STKLD1: variants seen among roughly 807,000 people sequenced by gnomAD.
STKLD1 encodes the protein serine/threonine kinase like domain containing 1.
In STKLD1, 79 loss-of-function variants were observed where a neutral mutation model predicts 80.4. The ratio of observed to expected loss-of-function variants is 0.98; its 90% confidence interval spans 0.82 to 1.19. STKLD1 has a LOEUF of 1.19. Ranked by LOEUF, STKLD1 falls within the 50% of genes most tolerant of loss-of-function variation. The pLI is 0.00. For synonymous variants in STKLD1, 393 were observed against 357.6 expected, an observed-to-expected ratio of 1.10 and a Z score of -1.12; for missense variants, 841 against 856.0, an observed-to-expected ratio of 0.98 and a Z score of 0.22.
At chr9:133,401,685 C>G in intron 12 of STKLD1, 53 bp from the exon 13 acceptor site, 1 of 1,573,874 alleles carries the variant, frequency 6.4e-7, no homozygotes, top group Admixed American at 1.8e-5. Context: ...TGTGTCTGGC[C>G]CCATGCCTGA....
chr9:133,379,603 C>T (rs1013478567), intron 2 of STKLD1, among the ~76,000 whole-genome samples: 2 of 152,316 alleles, frequency 1.3e-5, no homozygotes, highest in Non-Finnish European at 1.5e-5. Context: ...GGGACTGGCT[C>T]AAGGTCACAC....
At chr9:133,377,304 G>A (rs1838003221) in intron 1 of STKLD1, among the ~76,000 whole-genome samples, 1 of 152,108 alleles carries the variant, frequency 6.6e-6, no homozygotes. Context: ...CCATTTTACT[G>A]TTTAATTTGC....
chr9:133,376,410 C>T lies in STKLD1; in HGVS notation c.-64C>T. On this transcript the variant is annotated 5_prime_UTR_variant, in exon 1 of 18. Transcript: ENST00000371957. Reference sequence around the variant, plus strand: ...TTCGGGCGGGGAGGATCCCGCGGGTCCCACTGACCCACGCGGGGTGGGGCC... The same window carrying T: ...TTCGGGCGGGGAGGATCCCGCGGGTTCCACTGACCCACGCGGGGTGGGGCC... 1 of 1,463,948 alleles carries T rather than the reference C, an allele frequency of 6.8e-7. No individual in the cohort carries two copies. The highest frequency in any genetic ancestry group is 9.1e-7 in the Non-Finnish European group (1 of 1,104,474). 90.7% of individuals were successfully genotyped at this position (1,463,948 alleles called of 1,614,324 possible).
intron 14 of STKLD1, among the ~76,000 whole-genome samples, chr9:133,403,226 G>A (rs879742085): frequency 1.3e-5 from 2 of 152,272 alleles, no homozygotes; most frequent in Admixed American, 6.5e-5. Flanking sequence ...CCTTCTGGCA[G>A]AGGCCGGGTT....
intron 11 of STKLD1, among the ~76,000 whole-genome samples, chr9:133,400,192 A>G (rs1554777357): frequency 4.6e-5 from 7 of 152,148 alleles, no homozygotes; most frequent in African/African-American, 1.7e-4. Context: ...CAGCCTTGGG[A>G]GGGGCCACTT....
At chr9:133,401,995 C>T in intron 13 of STKLD1, 117 bp downstream of exon 13, 2 of 1,267,588 alleles carry the variant, frequency 1.6e-6, no homozygotes, top group Non-Finnish European at 2.1e-6. Flanking sequence ...TGGGCCTCCT[C>T]CTGAGATACA....
Position 133,403,779 on chromosome 9 carries a change from G to A in STKLD1, c.1554G>A (p.Gly518=), listed in dbSNP as rs782538514. ...SQVLATYPAD[G]EMAEASCGVF... ...TGTTGGCCACCTACCCTGCGGATGG[G>A]GAAATGGCAGAAGCCAGCTGCGGAG... Residue 518 remains glycine, a synonymous_variant, in exon 15 of 18, where the codon GGG becomes GGA. Transcript: ENST00000371957. 6.2e-7 allele frequency: 1 copy of A among 1,613,784 alleles called. No individual in the cohort carries two copies. Among genetic ancestry groups the A allele is most frequent in the Non-Finnish European group, 8.5e-7 (1 of 1,179,972 alleles).
At chr9:133,403,889 A>G in intron 15 of STKLD1, 31 bp from the exon 16 acceptor site, 1 of 1,608,516 alleles carries the variant, frequency 6.2e-7, no homozygotes, top group Non-Finnish European at 8.5e-7. Context: ...ATGGCACAGC[A>G]GGCACAAGGC....
At chr9:133,403,584 C>A in intron 14 of STKLD1, 116 bp from the exon 15 acceptor site, 1 of 1,346,524 alleles carries the variant, frequency 7.4e-7, no homozygotes, top group Non-Finnish European at 1.0e-6. Flanking sequence ...TGACCTTTCC[C>A]ACCCCATTTC....
chr9:133,382,643 A>G (rs2130270050), intron 2 of STKLD1, among the ~76,000 whole-genome samples: 16 of 147,994 alleles, frequency 1.1e-4, no homozygotes, highest in African/African-American at 3.5e-4. Context: ...TGATGTGATG[A>G]TGGTGGTGGT....
chr9:133,389,434 C>T lies in STKLD1; in HGVS notation c.397-92C>T, dbSNP rs1235456353. 43 of 1,540,032 alleles carry T rather than the reference C, an allele frequency of 2.8e-5. No homozygotes were observed. The highest frequency in any genetic ancestry group is 3.6e-5 in the Non-Finnish European group (41 of 1,142,286). ...TGTCTCAAGATGCAAGGAGAGGATA[C>T]ACCACCATCCTGCTGGCTGCTCTGA... On this transcript the variant is annotated intron_variant, in intron 5 of 17. Transcript: ENST00000371957. The surrounding 1 kb of genome is among the most constrained non-coding windows in gnomAD (Gnocchi z 6.4).
chr9:133,381,810 CT>C (rs1838142566), intron 2 of STKLD1, among the ~76,000 whole-genome samples: 3 of 152,122 alleles, frequency 2.0e-5, no homozygotes, highest in Admixed American at 2.0e-4. Context: ...CATATGCCCC[CT>C]AGGACAGGAG....
rs1040657667 is a variant in STKLD1, at chr9:133,406,030, T to C, written c.*609T>C. On this transcript the variant is annotated 3_prime_UTR_variant, in exon 18 of 18. Transcript: ENST00000371957. The stretch of plus-strand genomic sequence containing the variant: ...AGCAGTCCTTCCAGACCATTCTAGA[T>C]GAGAGTCAACACTGAGCCTCCACAG... The C allele has an allele frequency of 2.0e-5, 3 of 152,274 alleles. No homozygotes were observed. The highest frequency in any genetic ancestry group is 2.1e-4 in the South Asian group (1 of 4,830). 9.4% of individuals were successfully genotyped at this position (152,274 alleles called of 1,614,324 possible).
chr9:133,397,723 G>C (rs1838598682), intron 10 of STKLD1, among the ~76,000 whole-genome samples: 1 of 152,168 alleles, frequency 6.6e-6, no homozygotes, highest in Admixed American at 6.5e-5. Context: ...TGCCCAGGAT[G>C]AGCAGAAGTG....
Position 133,387,502 on chromosome 9 carries a change from A to G in STKLD1, c.350A>G (p.Glu117Gly). 6.2e-7 allele frequency: 1 copy of G among 1,614,002 alleles called. No homozygotes were observed. The highest frequency in any genetic ancestry group is 8.5e-7 in the Non-Finnish European group (1 of 1,179,980). ...GAGTTCAATGAGCTCAGCTTCCAGG[A>G]GGTCATTGAGGATAAGAGGAAGGCA... ...VMEFNELSFQ[E>G]VIEDKRKAKK... is the part of the protein sequence containing the mutation. The change falls in exon 5 of 18, where the codon GAG becomes GGG. Residue 117 changes from glutamate (E) to glycine (G), a missense_variant. By Grantham distance (98) the Glu-to-Gly change is moderately conservative. Coordinates refer to ENST00000371957, the MANE Select transcript of STKLD1 (RefSeq NM_153710.5).
chr9:133,402,701 C>T (rs1554777880), intron 13 of STKLD1, among the ~76,000 whole-genome samples, 177 bp from the exon 14 acceptor site: 1 of 152,232 alleles, frequency 6.6e-6, no homozygotes, highest in Non-Finnish European at 1.5e-5. Context: ...TGGACAGACT[C>T]CTCTGGGGCC....
chr9:133,395,483 C>A, intron 8 of STKLD1, 117 bp from the exon 9 acceptor site: 1 of 1,147,572 alleles, frequency 8.7e-7, no homozygotes, highest in Non-Finnish European at 1.2e-6. Context: ...GGTGGCCACA[C>A]CTGGCTCTCC....
At position 133,401,826 on chromosome 9, in the gene STKLD1, G is replaced by C; in HGVS notation, c.1287G>C (p.Glu429Asp). Reference protein sequence around the residue: ...LLSALQSHPEEEPLLVMVYSL... With the variant: ...LLSALQSHPEDEPLLVMVYSL... ...GTGCTCTTCAGAGCCACCCCGAGGA[G>C]GAGCCACTTCTTGTCATGGTCTACA... is the stretch of plus-strand genomic sequence containing the variant. Residue 429 changes from glutamate (E) to aspartate (D), a missense_variant, in exon 13 of 18, where the codon GAG (glutamate) becomes GAC (aspartate). Coordinates refer to ENST00000371957, the MANE Select transcript of STKLD1 (RefSeq NM_153710.5). The C allele has an allele frequency of 6.2e-7, 1 of 1,613,694 alleles. No homozygotes were observed. Among genetic ancestry groups the C allele is most frequent in the Non-Finnish European group, 8.5e-7 (1 of 1,180,000 alleles).
chr9:133,383,565 T>G (rs1182814914), intron 2 of STKLD1, among the ~76,000 whole-genome samples: 12 of 5,674 alleles, frequency 2.1e-3, no homozygotes, highest in Middle Eastern at 0.042. Flanking sequence ...AATGATGATG[T>G]TAATGATGGT....
Sources: gnomAD v4.1 joint callset for allele counts (sites outside exome capture counted in the v4.1 genomes callset) on GRCh38, gnomAD v4.1.1 for gene constraint, Gnocchi (gnomAD v3.1) non-coding constraint, MANE v1.5 for transcripts, NCBI Gene and HGNC (gene_info 2026-07-23, HGNC 2026-07-21) for gene names.